Variants in SLC35F4 observed in about 807,000 individuals in gnomAD.
The protein encoded by SLC35F4 is solute carrier family 35 member F4.
A neutral mutation model predicts 44.2 loss-of-function variants in SLC35F4; 24 were observed. That is an observed-to-expected ratio of 0.54 (90% CI 0.39 to 0.76). The LOEUF is 0.76. Ranked by LOEUF, SLC35F4 falls within the 30% of genes least tolerant of loss-of-function variation. The pLI is 0.00. For synonymous variants in SLC35F4, 238 were observed against 223.6 expected (o/e 1.06, Z -0.57); for missense variants, 562 against 586.1 (o/e 0.96, Z 0.42).
chr14:57,967,178 A>C (rs1880896701), intron 1 of SLC35F4, among the ~76,000 whole-genome samples: 1 of 152,162 alleles, frequency 6.6e-6, no homozygotes, highest in South Asian at 2.1e-4. Context: ...TGCAACCTTT[A>C]ATCCAATCAT....
rs59335089 is a variant in SLC35F4 at position 57,957,434 on chromosome 14, C to CAAA, written n.282+24476_282+24478dup. ...CACACGTACCCCAGAACTTAAAGTACAAAAAAAAAACTGCAATGAATGGAT... is the reference window on the plus strand; with the variant it reads ...CACACGTACCCCAGAACTTAAAGTACAAAAAAAAAAAAACTGCAATGAATGGAT... On this transcript the variant is annotated intron_variant and non_coding_transcript_variant, in intron 1 of 1. Coordinates refer to the SLC35F4 transcript ENST00000556568. Among the ~76,000 whole-genome samples the CAAA allele has an allele frequency of 4.3e-3, 643 of 148,044 alleles. 3 individuals are homozygous for CAAA. The highest frequency in any genetic ancestry group is 0.013 in the African/African-American group (533 of 40,518).
intron 1 of SLC35F4, among the ~76,000 whole-genome samples, chr14:57,927,962 T>G (rs1217463722): frequency 6.6e-6 from 1 of 152,126 alleles, no homozygotes; most frequent in African/African-American, 2.4e-5. Flanking sequence ...ACTTTTTTTC[T>G]GAACAATTTT....
intron 1 of SLC35F4, among the ~76,000 whole-genome samples, chr14:57,930,769 T>C (rs534940891): frequency 1.1e-4 from 17 of 152,306 alleles, no homozygotes; most frequent in Admixed American, 8.5e-4. Context: ...GAATTTCAGA[T>C]TTCAGAGGCA....
At chr14:57,947,179 T>C (rs1257196330) in intron 1 of SLC35F4, among the ~76,000 whole-genome samples, 2 of 152,164 alleles carry the variant, frequency 1.3e-5, no homozygotes, top group Non-Finnish European at 2.9e-5. Flanking sequence ...GTAGTTTTCC[T>C]TGTAGAGATC....
At chr14:57,790,248 C>T (rs2077881514) in intron 1 of SLC35F4, among the ~76,000 whole-genome samples, 1 of 152,164 alleles carries the variant, frequency 6.6e-6, no homozygotes, top group Admixed American at 6.5e-5. Context: ...AAAATCCCAT[C>T]ATCTCAGACC....
chr14:57,676,843 A>C (rs1480561000), intron 1 of SLC35F4, among the ~76,000 whole-genome samples: 3 of 152,094 alleles, frequency 2.0e-5, no homozygotes, highest in Non-Finnish European at 2.9e-5. Flanking sequence ...CCACTGTGGA[A>C]AACAGTGTGG....
chr14:57,668,796 T>C (rs2074408125), intron 1 of SLC35F4, among the ~76,000 whole-genome samples: 1 of 152,146 alleles, frequency 6.6e-6, no homozygotes, highest in Non-Finnish European at 1.5e-5. Context: ...TGGCTTAGGA[T>C]TGACTTGGCG....
intron 1 of SLC35F4, among the ~76,000 whole-genome samples, chr14:57,925,490 G>A (rs1354808624): frequency 2.4e-5 from 2 of 84,500 alleles, no homozygotes; most frequent in African/African-American, 4.3e-5. Context: ...AGGAAGGAAG[G>A]AAGGAAGGGA....
chr14:57,564,105 C>T lies in SLC35F4; in HGVS notation c.*30G>A. On this transcript the variant is annotated 3_prime_UTR_variant, in exon 8 of 8. Coordinates refer to ENST00000556826, the MANE Select transcript of SLC35F4 (RefSeq NM_001306087.2). The stretch of plus-strand genomic sequence containing the variant: ...AATTTTGTTATATTCACAGAATATA[C>T]ATACACGTGCATTCAAAATATGTCC... 1.2e-6 allele frequency: 2 copies of T among 1,609,178 alleles called. No individual in the cohort carries two copies. The highest frequency in any genetic ancestry group is 1.7e-6 in the Non-Finnish European group (2 of 1,177,114).
At chr14:57,963,353 G>A (rs74055564) in intron 1 of SLC35F4, among the ~76,000 whole-genome samples, 2,339 of 152,268 alleles carry the variant, frequency 0.015, 55 homozygotes, top group African/African-American at 0.053. Flanking sequence ...CAACACAGAT[G>A]CAGGCATGAG....
At chr14:57,645,193 T>C (rs1004648458) in intron 1 of SLC35F4, among the ~76,000 whole-genome samples, 1 of 152,208 alleles carries the variant, frequency 6.6e-6, no homozygotes, top group East Asian at 1.9e-4. Flanking sequence ...TGGCATTGAA[T>C]CTATAAATTA....
intron 1 of SLC35F4, chr14:57,799,269 T>G (rs919436232): frequency 6.6e-6 from 1 of 152,418 alleles, no homozygotes; most frequent in African/African-American, 2.4e-5. Context: ...GAAACCACGC[T>G]TCTCCCACAG....
intron 1 of SLC35F4, among the ~76,000 whole-genome samples, chr14:57,705,544 G>A (rs1440375180): frequency 6.6e-6 from 1 of 152,106 alleles, no homozygotes; most frequent in Admixed American, 6.6e-5. Flanking sequence ...ACAAATGGAG[G>A]CACCAGCATG....
intron 1 of SLC35F4, among the ~76,000 whole-genome samples, chr14:57,872,161 TG>T (rs1385287875): frequency 1.3e-5 from 2 of 152,354 alleles, no homozygotes; most frequent in East Asian, 3.9e-4. Flanking sequence ...TGAGTACTAT[TG>T]CCAAAAGCAA....
At position 57,676,959 on chromosome 14, in the gene SLC35F4, C is replaced by T. The variant is rs148608194; in HGVS notation, c.104-82835G>A. ...TCATTATATGAAAAAGACACTTGCA[C>T]ACACATGTTTATAGCAGTACAACTC... On this transcript the variant is annotated intron_variant, in intron 1 of 7. Coordinates refer to ENST00000556826, the MANE Select transcript of SLC35F4 (RefSeq NM_001306087.2). 7.1e-3 allele frequency among the ~76,000 whole-genome samples: 1,077 copies of T among 152,212 alleles called. 23 individuals carry two copies. Among genetic ancestry groups the T allele is most frequent in the African/African-American group, 0.024 (1,015 of 41,468 alleles).
chr14:57,660,694 G>A (rs959917474), intron 1 of SLC35F4, among the ~76,000 whole-genome samples: 4 of 152,068 alleles, frequency 2.6e-5, no homozygotes, highest in South Asian at 2.1e-4. Context: ...GCACTGCTCT[G>A]GGGGAAGCCA....
intron 1 of SLC35F4, among the ~76,000 whole-genome samples, chr14:57,695,719 CA>C (rs2075364293): frequency 6.6e-6 from 1 of 152,176 alleles, no homozygotes; most frequent in Admixed American, 6.5e-5. Flanking sequence ...GACACATGCA[CA>C]CGCATGTTTA....
Position 57,589,418 on chromosome 14 carries a change from T to C in SLC35F4, c.385A>G (p.Ile129Val). ...GACAAGATGATCAAGAGTCCCCAGA[T>C]GCCCTTCAGAACCATGGACGTGCAG... ...LSCTSMVLKG[I>V]WGLLIILSVS... Residue 129 changes from isoleucine to valine, a missense_variant, in exon 3 of 8, where the codon ATC (isoleucine) becomes GTC (valine). Ile to Val is a conservative substitution (Grantham distance 29). Coordinates refer to ENST00000556826, the MANE Select transcript of SLC35F4 (RefSeq NM_001306087.2). 1 of 1,614,014 alleles carries C rather than the reference T, an allele frequency of 6.2e-7. No individual in the cohort carries two copies. The highest frequency in any genetic ancestry group is 8.5e-7 in the Non-Finnish European group (1 of 1,179,894).
rs568569457 is a variant in SLC35F4, at chr14:57,601,434, G to A, written c.104-7310C>T. On this transcript the variant is annotated intron_variant, in intron 1 of 7. Coordinates refer to ENST00000556826, the MANE Select transcript of SLC35F4 (RefSeq NM_001306087.2). ...TGATCCCATCACTACTGATCATAGTGCCCAACATTAAGTTTTTCAACCCTT... is the reference window on the plus strand; with the variant it reads ...TGATCCCATCACTACTGATCATAGTACCCAACATTAAGTTTTTCAACCCTT... Among the ~76,000 whole-genome samples the A allele has an allele frequency of 8.6e-5, 13 of 151,960 alleles. No individual in the cohort carries two copies. The South Asian group carries it at 2.5e-3, about 29-fold the overall frequency.
Sources: allele counts gnomAD v4.1 joint callset (sites outside exome capture counted in the v4.1 genomes callset), GRCh38; gene constraint gnomAD v4.1.1; transcripts MANE v1.5; gene names NCBI Gene and HGNC (gene_info 2026-07-23, HGNC 2026-07-21).